Variants in MAST4 observed in about 807,000 individuals in gnomAD.
MAST4 encodes the protein microtubule-associated serine/threonine-protein kinase 4.
Under a neutral mutation model 162.7 loss-of-function variants are expected in MAST4, and 89 were observed. That is an observed-to-expected ratio of 0.55 (90% CI 0.46 to 0.65). MAST4 has a LOEUF of 0.65. Among genes scored for constraint, MAST4 ranks in the 30% least tolerant of loss-of-function variants. The pLI is 0.00. For missense variants in MAST4, 3,153 were observed against 3,374.0 expected, an observed-to-expected ratio of 0.93 and a Z score of 1.62; for synonymous variants, 1,479 against 1,361.1, an observed-to-expected ratio of 1.09 and a Z score of -1.91.
intron 1 of MAST4, among the ~76,000 whole-genome samples, chr5:66,700,480 A>G (rs868527059): frequency 1.6e-4 from 24 of 152,066 alleles, no homozygotes; most frequent in Non-Finnish European, 2.8e-4. Context: ...TCAGGAGTTC[A>G]AGACCAGCCT....
chr5:66,714,115 C>T (rs1216969763), intron 1 of MAST4, among the ~76,000 whole-genome samples: 1 of 152,218 alleles, frequency 6.6e-6, no homozygotes, highest in African/African-American at 2.4e-5. Flanking sequence ...CCAAGTCCCT[C>T]TACTTAGTCT....
intron 2 of MAST4, among the ~76,000 whole-genome samples, chr5:66,782,901 G>C (rs1463824613): frequency 6.6e-6 from 1 of 152,128 alleles, no homozygotes; most frequent in Non-Finnish European, 1.5e-5. Flanking sequence ...CTTTTTAGAG[G>C]CTCTTGATAG....
chr5:66,867,087 T>C (rs367580827), intron 3 of MAST4, among the ~76,000 whole-genome samples: 1 of 152,196 alleles, frequency 6.6e-6, no homozygotes, highest in African/African-American at 2.4e-5. Context: ...AATGGACTTT[T>C]AAGAAGCAGG....
Position 67,164,957 on chromosome 5 carries a change from T to G in MAST4, c.5778T>G (p.Pro1926=), listed in dbSNP as rs758069095. Residue 1926 remains proline, a synonymous_variant, in exon 29 of 29, where the codon CCT becomes CCG. Coordinates refer to ENST00000403625, the MANE Select transcript of MAST4 (RefSeq NM_001164664.2). The surrounding 1 kb of genome is among the most constrained non-coding windows in gnomAD (Gnocchi z 5.3). ...SNPQQREGSS[P]KHQDHTTDPK... The stretch of plus-strand genomic sequence containing the variant: ...CCCAACAGAGAGAGGGCAGCTCCCC[T>G]AAACACCAAGACCACACCACTGACC... The G allele has an allele frequency of 1.9e-6, 3 of 1,613,826 alleles. No homozygotes were observed. In the Admixed American group the frequency reaches 5.0e-5, roughly 27 times the overall value.
At chr5:67,040,110 G>A (rs545120182) in intron 4 of MAST4, among the ~76,000 whole-genome samples, 40 of 152,188 alleles carry the variant, frequency 2.6e-4, no homozygotes, top group Admixed American at 8.5e-4. Context: ...TTTCCCCAAA[G>A]CCAGTGCTAT....
chr5:66,860,155 C>G (rs1418440239), intron 3 of MAST4, among the ~76,000 whole-genome samples: 1 of 152,186 alleles, frequency 6.6e-6, no homozygotes, highest in Non-Finnish European at 1.5e-5. Context: ...TGACCTCAGA[C>G]ACATTTTTAA....
At chr5:66,928,848 G>A (rs530678776) in intron 4 of MAST4, among the ~76,000 whole-genome samples, 12 of 152,270 alleles carry the variant, frequency 7.9e-5, no homozygotes, top group South Asian at 2.1e-4. Flanking sequence ...GCCATTGCCC[G>A]CTCAGTAGTG....
At chr5:66,822,667 G>T (rs953281208) in intron 3 of MAST4, among the ~76,000 whole-genome samples, 5 of 152,094 alleles carry the variant, frequency 3.3e-5, no homozygotes, top group Non-Finnish European at 7.4e-5. Context: ...GCCCTGCTGC[G>T]TTTCTCTCTT....
rs116960731 is a variant in MAST4, at chr5:66,698,464, C to G, written c.364-61245C>G. Among the ~76,000 whole-genome samples, 453 of 151,788 alleles carry G rather than the reference C, an allele frequency of 3.0e-3. 7 individuals are homozygous for G. The highest frequency in any genetic ancestry group is 0.025 in the Admixed American group (385 of 15,202). The stretch of plus-strand genomic sequence containing the variant: ...CTTGCTGGCTGCTGCTTCTCTATCT[C>G]TTTTACAGGTACCTCTTTCTCTGCC... On this transcript the variant is annotated intron_variant, in intron 1 of 28. Coordinates refer to ENST00000403625, the MANE Select transcript of MAST4 (RefSeq NM_001164664.2).
chr5:66,852,781 G>A (rs1580658012), intron 3 of MAST4, among the ~76,000 whole-genome samples: 1 of 152,152 alleles, frequency 6.6e-6, no homozygotes, highest in Non-Finnish European at 1.5e-5. Flanking sequence ...AGAGATAGTT[G>A]TCAGTAATCT....
chr5:67,022,683 CTT>C (rs1754129956), intron 4 of MAST4, among the ~76,000 whole-genome samples: 1 of 152,160 alleles, frequency 6.6e-6, no homozygotes, highest in Admixed American at 6.5e-5. Flanking sequence ...TACTTTTCCC[CTT>C]TAACACATTT....
chr5:66,804,751 G>T (rs1756100907), intron 3 of MAST4, among the ~76,000 whole-genome samples: 1 of 152,148 alleles, frequency 6.6e-6, no homozygotes, highest in African/African-American at 2.4e-5. Context: ...AAGGCATCTG[G>T]ACTTGATATT....
At chr5:66,977,668 G>T (rs1361907373) in intron 4 of MAST4, among the ~76,000 whole-genome samples, 9 of 152,078 alleles carry the variant, frequency 5.9e-5, no homozygotes, top group Admixed American at 3.3e-4. Flanking sequence ...ATCAAGTTCT[G>T]CTCTTGGGTT....
rs528503186 is a variant in MAST4 at position 66,624,454 on chromosome 5, GT to G, written c.363+27439del. On this transcript the variant is annotated intron_variant, in intron 1 of 28. Coordinates refer to ENST00000403625, the MANE Select transcript of MAST4 (RefSeq NM_001164664.2). ...AGGTGTGAGCCACAGCGCCCGGCCT[GT>G]TTAAATGTTTATACTATGCCAAACA... 1.1e-4 allele frequency among the ~76,000 whole-genome samples: 16 copies of G among 152,120 alleles called. No individual in the cohort carries two copies. The South Asian group carries it at 3.3e-3, about 32-fold the overall frequency.
chr5:67,072,924 A>G (rs1761150755), intron 5 of MAST4, among the ~76,000 whole-genome samples: 1 of 152,200 alleles, frequency 6.6e-6, no homozygotes, highest in African/African-American at 2.4e-5. Flanking sequence ...TAATGGAAAG[A>G]TGTGTCCTGT....
chr5:67,095,622 G>A lies in MAST4; in HGVS notation c.859G>A (p.Ala287Thr). 2 of 1,609,614 alleles carry A rather than the reference G, an allele frequency of 1.2e-6. No homozygotes were observed. The highest frequency in any genetic ancestry group is 8.5e-7 in the Non-Finnish European group (1 of 1,177,592). ...GACTGATGGACGCCGCTGGTCGTTGGCTTCTCTCCCTTCCTCTGGCTATGG... is the reference window on the plus strand; with the variant it reads ...GACTGATGGACGCCGCTGGTCGTTGACTTCTCTCCCTTCCTCTGGCTATGG... ...RRTDGRRWSL[A>T]SLPSSGYGTN... is the part of the protein sequence containing the mutation. Residue 287 changes from alanine to threonine, a missense_variant, in exon 7 of 29, where the codon GCT (alanine) becomes ACT (threonine). Coordinates refer to ENST00000403625, the MANE Select transcript of MAST4 (RefSeq NM_001164664.2).
chr5:66,797,568 G>A (rs954515288), intron 3 of MAST4, among the ~76,000 whole-genome samples: 8 of 152,118 alleles, frequency 5.3e-5, no homozygotes, highest in South Asian at 2.1e-4. Context: ...AAATCTGTGC[G>A]AAACGTGGTC....
Position 67,163,275 on chromosome 5 carries a change from G to C in MAST4, c.4096G>C (p.Gly1366Arg), listed in dbSNP as rs368420355. The C allele has an allele frequency of 6.2e-7, 1 of 1,613,342 alleles. No individual in the cohort carries two copies. The highest frequency in any genetic ancestry group is 8.5e-7 in the Non-Finnish European group (1 of 1,179,872). Residue 1366 changes from glycine (G) to arginine (R), a missense_variant, in exon 29 of 29, where the codon GGA (glycine) becomes CGA (arginine). Gly to Arg is a moderately radical substitution (Grantham distance 125). This residue lies in a region of MAST4 where 619 missense variants were observed against 744.2 expected (regional missense o/e 0.83). Coordinates refer to ENST00000403625, the MANE Select transcript of MAST4 (RefSeq NM_001164664.2). This position sits in a 1 kb window ranked among gnomAD's most constrained non-coding sequence, Gnocchi z 7.0. Reference protein sequence around the residue: ...PKLGGQRYRSGRRKSAGNIPL... With the variant: ...PKLGGQRYRSRRRKSAGNIPL... ...ACTCGGCGGGCAGCGGTACCGGTCCGGAAGGCGAAAGTCCGCCGGCAACAT... is the reference window on the plus strand; with the variant it reads ...ACTCGGCGGGCAGCGGTACCGGTCCCGAAGGCGAAAGTCCGCCGGCAACAT...
chr5:67,099,169 T>C (rs1764749914), intron 7 of MAST4, among the ~76,000 whole-genome samples: 1 of 148,310 alleles, frequency 6.7e-6, no homozygotes, highest in Admixed American at 6.8e-5. Context: ...TTGCATTGAT[T>C]TTATTTTATT....
Sources: allele counts gnomAD v4.1 joint callset (sites outside exome capture counted in the v4.1 genomes callset), GRCh38; gene constraint gnomAD v4.1.1; regional missense constraint gnomAD v4.1.1; non-coding constraint Gnocchi (gnomAD v3.1); transcripts MANE v1.5; gene names NCBI Gene and HGNC (gene_info 2026-07-23, HGNC 2026-07-21).